BCHE: variants seen among roughly 807,000 people sequenced by gnomAD.
The protein encoded by BCHE is cholinesterase.
A neutral mutation model predicts 51.3 loss-of-function variants in BCHE; 48 were observed. That is an observed-to-expected ratio of 0.94 (90% CI 0.74 to 1.19). The LOEUF (loss-of-function observed/expected upper bound fraction) is 1.19. BCHE is among the 50% of genes most tolerant of loss of function. The probability of loss-of-function intolerance (pLI) is 0.00; values close to 1 mark genes in which losing one functional copy is unlikely to be tolerated. For missense variants in BCHE, 847 were observed against 708.2 expected (o/e 1.20, Z -2.23); for synonymous variants, 251 against 238.0 (o/e 1.05, Z -0.50).
intron 3 of BCHE, among the ~76,000 whole-genome samples, chr3:165,783,212 A>G (rs1219467213): frequency 6.6e-6 from 1 of 152,116 alleles, no homozygotes; most frequent in African/African-American, 2.4e-5. Context: ...TTATCATGGA[A>G]TGCATATTTC....
At position 165,821,843 on chromosome 3, in the gene BCHE, T is replaced by G. The variant is rs115463309; in HGVS notation, c.1517+7674A>C. Among the ~76,000 whole-genome samples the G allele has an allele frequency of 6.3e-3, 963 of 152,052 alleles. 8 individuals carry two copies. The highest frequency in any genetic ancestry group is 0.022 in the African/African-American group (920 of 41,532). On this transcript the variant is annotated intron_variant, in intron 2 of 3. Transcript: ENST00000264381. ...AACAGCATTTGGCTTAGCATGTAAT[T>G]GTCTTACCCACTCCCCATTACAAAA...
At chr3:165,784,466 T>G (rs1468126624) in intron 3 of BCHE, among the ~76,000 whole-genome samples, 1 of 151,958 alleles carries the variant, frequency 6.6e-6, no homozygotes, top group Admixed American at 6.6e-5. Context: ...AAAATTATAT[T>G]TTCAAGACAC....
chr3:165,789,478 C>A lies in BCHE; in HGVS notation c.1518-3167G>T, dbSNP rs1713087981. On this transcript the variant is annotated intron_variant, in intron 2 of 3. Coordinates refer to ENST00000264381, the MANE Select transcript of BCHE (RefSeq NM_000055.4). ...CATCTAGCTTCAAAAATAAAGTATT[C>A]TTGGAATTATAGAATCCTAGTGCTG... Among the ~76,000 whole-genome samples, 4 of 152,172 alleles carry A rather than the reference C, an allele frequency of 2.6e-5. No individual in the cohort carries two copies. In the South Asian group the frequency reaches 8.3e-4, roughly 32 times the overall value.
chr3:165,823,609 A>G (rs1714608336), intron 2 of BCHE, among the ~76,000 whole-genome samples: 1 of 152,172 alleles, frequency 6.6e-6, no homozygotes, highest in Non-Finnish European at 1.5e-5. Context: ...TCTATGTCCT[A>G]TGAAGTATTA....
intron 3 of BCHE, among the ~76,000 whole-genome samples, chr3:165,784,416 CTTA>C (rs1040799894): frequency 6.6e-6 from 1 of 151,684 alleles, no homozygotes; most frequent in African/African-American, 2.4e-5. Flanking sequence ...ATATGAAAAC[CTTA>C]TTATGGGGGA....
At chr3:165,808,299 C>A (rs1713947601) in intron 2 of BCHE, among the ~76,000 whole-genome samples, 1 of 151,896 alleles carries the variant, frequency 6.6e-6, no homozygotes, top group South Asian at 2.1e-4. Flanking sequence ...GTTAAGTGTT[C>A]CAACTCCAGC....
At chr3:165,796,829 A>G (rs575185048) in intron 2 of BCHE, among the ~76,000 whole-genome samples, 1 of 152,160 alleles carries the variant, frequency 6.6e-6, no homozygotes, top group African/African-American at 2.4e-5. Flanking sequence ...TGTATTGCAC[A>G]TCTTCAGTTA....
intron 2 of BCHE, among the ~76,000 whole-genome samples, chr3:165,812,918 C>T (rs1436132724): frequency 3.9e-5 from 6 of 151,908 alleles, no homozygotes; most frequent in Admixed American, 2.0e-4. Context: ...GAATTTTTTT[C>T]TATACCTCTT....
intron 2 of BCHE, among the ~76,000 whole-genome samples, chr3:165,803,599 C>T (rs1182217221): frequency 6.6e-6 from 1 of 152,074 alleles, no homozygotes; most frequent in Admixed American, 6.5e-5. Context: ...AAACAATGTA[C>T]ACTCTTAAAG....
chr3:165,810,374 G>T (rs997908358), intron 2 of BCHE, among the ~76,000 whole-genome samples: 13 of 152,102 alleles, frequency 8.5e-5, no homozygotes, highest in Non-Finnish European at 1.3e-4. Context: ...ATTACATATG[G>T]TGTTCCAGAA....
Position 165,829,729 on chromosome 3 carries a change from C to A in BCHE, c.1305G>T (p.Lys435Asn). 1.9e-6 allele frequency: 3 copies of A among 1,613,934 alleles called. No individual in the cohort carries two copies. Among genetic ancestry groups the A allele is most frequent in the Admixed American group, 1.7e-5 (1 of 59,950 alleles). The change falls in exon 2 of 4, where the codon AAG becomes AAT. Residue 435 changes from lysine (K) to asparagine (N), a missense_variant. Coordinates refer to ENST00000264381, the MANE Select transcript of BCHE (RefSeq NM_000055.4). The part of the protein sequence containing the change: ...NFICPALEFT[K>N]KFSEWGNNAF... ...CATTATTTCCCCATTCTGAGAACTT[C>A]TTGGTGAACTCCAAGGCAGGGCATA...
chr3:165,799,601 C>G (rs1193214785), intron 2 of BCHE, among the ~76,000 whole-genome samples: 1 of 152,054 alleles, frequency 6.6e-6, no homozygotes, highest in African/African-American at 2.4e-5. Context: ...ATGGAGGAAG[C>G]TGTCAGCACA....
Position 165,773,145 on chromosome 3 carries a change from T to C in BCHE, c.*237A>G, listed in dbSNP as rs886058153. The C allele has an allele frequency of 5.7e-6, 2 of 349,376 alleles. No individual in the cohort carries two copies. The highest frequency in any genetic ancestry group is 1.0e-5 in the Non-Finnish European group (2 of 195,194). The allele number at this position is 349,376 out of a possible 1,614,324, so 21.6% of individuals were successfully genotyped here. On this transcript the variant is annotated 3_prime_UTR_variant, in exon 4 of 4. Coordinates refer to ENST00000264381, the MANE Select transcript of BCHE (RefSeq NM_000055.4). ...ATTGAACCAGGCCATTGTTTTAATA[T>C]GCACATAATTAACTGTAGAACTTTA...
Position 165,831,052 on chromosome 3 carries a change from G to C in BCHE, c.-8-11C>G, listed in dbSNP as rs748658883. 4 of 1,596,994 alleles carry C rather than the reference G, an allele frequency of 2.5e-6. No individual in the cohort carries two copies. The highest frequency in any genetic ancestry group is 2.6e-6 in the Non-Finnish European group (3 of 1,170,608). On this transcript the variant is annotated splice_polypyrimidine_tract_variant and intron_variant, in intron 1 of 3. Coordinates refer to ENST00000264381, the MANE Select transcript of BCHE (RefSeq NM_000055.4). ...TATGCATATTGATTTCTGAAAGAGA[G>C]GTAAGTATAATGTTTTATAAGCCTT...
At chr3:165,790,335 C>T (rs1487483102) in intron 2 of BCHE, among the ~76,000 whole-genome samples, 1 of 152,106 alleles carries the variant, frequency 6.6e-6, no homozygotes, top group Admixed American at 6.6e-5. Flanking sequence ...CATAAGTACA[C>T]CGGCACAATA....
chr3:165,818,771 A>G (rs968619341), intron 2 of BCHE, among the ~76,000 whole-genome samples: 1 of 152,158 alleles, frequency 6.6e-6, no homozygotes, highest in Admixed American at 6.6e-5. Flanking sequence ...ATCTATAGGT[A>G]TACCCAGATC....
At chr3:165,827,214 T>A (rs992104748) in intron 2 of BCHE, among the ~76,000 whole-genome samples, 1 of 152,080 alleles carries the variant, frequency 6.6e-6, no homozygotes, top group Non-Finnish European at 1.5e-5. Flanking sequence ...ATGCTTGACA[T>A]CAAATCAACC....
intron 3 of BCHE, among the ~76,000 whole-genome samples, chr3:165,776,161 G>A (rs373318274): frequency 6.6e-6 from 1 of 151,926 alleles, no homozygotes; most frequent in African/African-American, 2.4e-5. Flanking sequence ...TAAAATTTGA[G>A]AGGATAAAGA....
intron 2 of BCHE, among the ~76,000 whole-genome samples, chr3:165,825,867 A>T (rs1576668947): frequency 6.6e-6 from 1 of 152,264 alleles, no homozygotes; most frequent in East Asian, 1.9e-4. Context: ...AATAGAAAAA[A>T]TACCAATGAC....
Sources: gnomAD v4.1 joint callset for allele counts (sites outside exome capture counted in the v4.1 genomes callset) on GRCh38, gnomAD v4.1.1 for gene constraint, MANE v1.5 for transcripts, NCBI Gene and HGNC (gene_info 2026-07-23, HGNC 2026-07-21) for gene names.